VKORC1L1: variants seen among roughly 807,000 people sequenced by gnomAD.
VKORC1L1 encodes the protein vitamin K epoxide reductase complex subunit 1-like protein 1.
Under a neutral mutation model 18.9 loss-of-function variants are expected in VKORC1L1, and 2 were observed. The observed-to-expected ratio is 0.11, with a 90% CI of 0.04 to 0.33. The LOEUF (loss-of-function observed/expected upper bound fraction) is 0.33, where lower values mean the gene tolerates loss of function less well. VKORC1L1 is among the 10% of genes least tolerant of loss of function. VKORC1L1 has a pLI of 1.00. For synonymous variants in VKORC1L1, 96 were observed against 100.0 expected (o/e 0.96, Z 0.24); for missense variants, 123 against 224.1 (o/e 0.55, Z 2.88).
chr7:65,883,084 G>A (rs968506230), intron 1 of VKORC1L1, among the ~76,000 whole-genome samples: 1 of 150,184 alleles, frequency 6.7e-6, no homozygotes, highest in Non-Finnish European at 1.5e-5. Flanking sequence ...TTTAAAGTTG[G>A]TGTTCGTCAG....
At position 65,954,341 on chromosome 7, in the gene VKORC1L1, C is replaced by T. The variant is rs770030189; in HGVS notation, c.*41C>T. On this transcript the variant is annotated 3_prime_UTR_variant, in exon 3 of 3. Transcript: ENST00000360768. ...ACCCTAACAGTCTCAAGCCCCTTTCCATTCAGTTTATTTTGCAGCAGGTTT... is the reference window on the plus strand; with the variant it reads ...ACCCTAACAGTCTCAAGCCCCTTTCTATTCAGTTTATTTTGCAGCAGGTTT... 1.2e-6 allele frequency: 2 copies of T among 1,605,902 alleles called. No homozygotes were observed. The highest frequency in any genetic ancestry group is 2.7e-5 in the African/African-American group (2 of 74,728).
upstream of VKORC1L1, among the ~76,000 whole-genome samples, chr7:65,869,640 C>CTTTTT (rs1226951533): frequency 5.2e-5 from 4 of 77,284 alleles, no homozygotes; most frequent in Non-Finnish European, 9.5e-5. Context: ...CGATTTCATT[C>CTTTTT]TTTTTTTTTT....
chr7:65,883,447 C>T (rs182889348), intron 1 of VKORC1L1, among the ~76,000 whole-genome samples: 113 of 152,010 alleles, frequency 7.4e-4, no homozygotes, highest in African/African-American at 2.6e-3. Context: ...CCACCACACC[C>T]GGCCACATTT....
chr7:65,869,840 A>C (rs1285022471), upstream of VKORC1L1, among the ~76,000 whole-genome samples: 2 of 151,170 alleles, frequency 1.3e-5, no homozygotes, highest in Non-Finnish European at 2.9e-5. Flanking sequence ...TTTTTTGTAG[A>C]GATGGGGTCT....
At position 65,873,578 on chromosome 7, in the gene VKORC1L1, G is replaced by C. The variant is rs776282075; in HGVS notation, c.194+13G>C. 2.3e-5 allele frequency: 35 copies of C among 1,529,986 alleles called. No homozygotes were observed. The African/African-American group carries it at 2.7e-4, about 12-fold the overall frequency. The allele number at this position is 1,529,986 out of a possible 1,614,324, so 94.8% of individuals were successfully genotyped here. ...CCCTTGCCTCCAGGTAGCCGGCTTG[G>C]GGGAGTGGGCCAGGAGCGGCCGAGC... On this transcript the variant is annotated intron_variant, in intron 1 of 2. Transcript: ENST00000360768.
intron 1 of VKORC1L1, among the ~76,000 whole-genome samples, chr7:65,943,177 T>C (rs555661318): frequency 3.0e-4 from 45 of 152,136 alleles, no homozygotes; most frequent in African/African-American, 9.9e-4. Context: ...GGTGGGAGGA[T>C]CACTTGAGCC....
chr7:65,872,979 T>TG (rs1788746767), upstream of VKORC1L1, among the ~76,000 whole-genome samples: 1 of 10,062 alleles, frequency 9.9e-5, no homozygotes, highest in Non-Finnish European at 2.4e-4. Context: ...TCCCCACCCC[T>TG]GCCCCGCCCA....
At chr7:65,884,496 G>C (rs1788980501) in intron 1 of VKORC1L1, among the ~76,000 whole-genome samples, 1 of 152,066 alleles carries the variant, frequency 6.6e-6, no homozygotes, top group African/African-American at 2.4e-5. Flanking sequence ...AATTAGCTAG[G>C]CATGGTAATT....
chr7:65,913,301 C>T (rs1789532565), intron 1 of VKORC1L1, among the ~76,000 whole-genome samples: 3 of 151,994 alleles, frequency 2.0e-5, no homozygotes, highest in Non-Finnish European at 4.4e-5. Context: ...TGCATAGACC[C>T]TTTGTTTTTT....
At chr7:65,867,446 T>TA in the VKORC1L1 span, among the ~76,000 whole-genome samples, 1 of 152,130 alleles carries the variant, frequency 6.6e-6, no homozygotes, top group Admixed American at 6.6e-5. Context: ...TTTGGGTGCT[T>TA]AAAATCATCT....
intron 1 of VKORC1L1, among the ~76,000 whole-genome samples, chr7:65,880,451 G>A (rs1231568709): frequency 6.6e-6 from 1 of 152,100 alleles, no homozygotes; most frequent in African/African-American, 2.4e-5. Context: ...TGAGCTGTCC[G>A]GAAGACTTAG....
chr7:65,921,490 A>G lies in VKORC1L1; in HGVS notation c.195-27181A>G, dbSNP rs1234843137. 4.6e-5 allele frequency among the ~76,000 whole-genome samples: 7 copies of G among 152,050 alleles called. No homozygotes were observed. The East Asian group carries it at 7.8e-4, about 17-fold the overall frequency. On this transcript the variant is annotated intron_variant, in intron 1 of 2. Coordinates refer to ENST00000360768, the MANE Select transcript of VKORC1L1 (RefSeq NM_173517.6). ...AGCCTTGAACTCCTGGCCTCAAGCA[A>G]TCTTCCCACTTCACCTTCTCAAGTA... is the stretch of plus-strand genomic sequence containing the variant.
intron 1 of VKORC1L1, among the ~76,000 whole-genome samples, chr7:65,879,836 T>G (rs34702770): frequency 1.4e-4 from 21 of 151,502 alleles, no homozygotes; most frequent in Admixed American, 1.1e-3. Flanking sequence ...CCTTTTTTTT[T>G]CTTTCCTTTC....
intron 1 of VKORC1L1, among the ~76,000 whole-genome samples, chr7:65,893,941 A>G (rs13247184): frequency 0.11 from 16,883 of 151,574 alleles, 1,091 homozygotes; most frequent in Middle Eastern, 0.2. Context: ...GTGTTGAATC[A>G]GTTTGGGAAT....
At chr7:65,903,916 T>C (rs1350856037) in intron 1 of VKORC1L1, among the ~76,000 whole-genome samples, 1 of 152,110 alleles carries the variant, frequency 6.6e-6, no homozygotes, top group East Asian at 1.9e-4. Context: ...CTAGAAATGG[T>C]AACTGGGAGT....
chr7:65,879,693 CCTTT>C (rs1295495939), intron 1 of VKORC1L1, among the ~76,000 whole-genome samples: 1 of 151,860 alleles, frequency 6.6e-6, no homozygotes, highest in Admixed American at 6.6e-5. Context: ...TTCTTCCTTT[CCTTT>C]CTTTTCTCTC....
At chr7:65,912,817 A>C (rs1283018276) in intron 1 of VKORC1L1, among the ~76,000 whole-genome samples, 1 of 152,216 alleles carries the variant, frequency 6.6e-6, no homozygotes, top group Non-Finnish European at 1.5e-5. Context: ...AATATAAAAC[A>C]TATGCCACAT....
chr7:65,877,125 A>T (rs1788840271), intron 1 of VKORC1L1, among the ~76,000 whole-genome samples: 1 of 152,194 alleles, frequency 6.6e-6, no homozygotes, highest in Non-Finnish European at 1.5e-5. Flanking sequence ...TCCTGAAATA[A>T]AGCCTGTCCT....
At chr7:65,873,006 A>C (rs181846215), upstream of VKORC1L1, among the ~76,000 whole-genome samples, 46 of 8,636 alleles carry the variant, frequency 5.3e-3, no homozygotes, top group East Asian at 0.028. Context: ...CCCCTGCCCC[A>C]CCCCTTTCTC....
Sources: allele counts gnomAD v4.1 joint callset (sites outside exome capture counted in the v4.1 genomes callset), GRCh38; gene constraint gnomAD v4.1.1; transcripts MANE v1.5; gene names NCBI Gene and HGNC (gene_info 2026-07-23, HGNC 2026-07-21).